Variants in PAM observed in about 807,000 individuals in gnomAD.
PAM encodes peptidyl-glycine alpha-amidating monooxygenase.
In PAM, 72 loss-of-function variants were observed where a neutral mutation model predicts 122.1. The observed-to-expected ratio is 0.59, with a 90% confidence interval of 0.49 to 0.72. PAM has a LOEUF of 0.72. Ranked by LOEUF, PAM falls within the 30% of genes least tolerant of loss-of-function variation. The pLI, the probability that PAM is intolerant of heterozygous loss-of-function variation, is 0.00. For synonymous variants in PAM, 389 were observed against 404.4 expected (o/e 0.96, Z 0.46); for missense variants, 1,106 against 1,183.7 (o/e 0.93, Z 0.96).
At chr5:102,974,487 C>A in intron 15 of PAM, 51 bp downstream of exon 15, 2 of 1,207,710 alleles carry the variant, frequency 1.7e-6, no homozygotes, top group Non-Finnish European at 2.4e-6. Flanking sequence ...CTACAATCCA[C>A]GTTAGCAAAA....
rs372206538 is a variant in PAM at position 102,801,871 on chromosome 5, T to C, written c.-374+46523T>C. Among the ~76,000 whole-genome samples, 1,131 of 144,940 alleles carry C rather than the reference T, an allele frequency of 7.8e-3. 22 individuals are homozygous for C. The highest frequency in any genetic ancestry group is 0.039 in the East Asian group (187 of 4,736). On this transcript the variant is annotated intron_variant, in intron 1 of 25. Coordinates refer to ENST00000438793, the MANE Select transcript of PAM (RefSeq NM_001177306.2). ...TCGGCTCACTGCAAGCTCCGCCTCC[T>C]GGGTTCACGCCATTCTCCTGCCTCA...
chr5:103,022,817 G>C (rs1439553109), intron 23 of PAM, among the ~76,000 whole-genome samples: 1 of 152,042 alleles, frequency 6.6e-6, no homozygotes, highest in Non-Finnish European at 1.5e-5. Flanking sequence ...GCAGAATTTG[G>C]ATTATTCTTC....
In PAM at chr5:102,948,462, T is replaced by A. The variant is rs200996963; in HGVS notation, c.643+17T>A. 3.7e-5 allele frequency: 49 copies of A among 1,320,300 alleles called. No homozygotes were observed. In the African/African-American group the frequency reaches 6.8e-4, roughly 18 times the overall value. 81.8% of individuals were successfully genotyped at this position (1,320,300 alleles called of 1,614,324 possible). On this transcript the variant is annotated intron_variant, in intron 9 of 25. Transcript: ENST00000438793. ...GAGAAAAAGGTGAGTAATGATTTTT[T>A]AATATTTACCATTACCTCATTACCT...
chr5:103,001,596 C>T (rs1250295516), intron 16 of PAM, among the ~76,000 whole-genome samples: 4 of 152,118 alleles, frequency 2.6e-5, no homozygotes, highest in Non-Finnish European at 5.9e-5. Context: ...TTAATAAGAA[C>T]TACTTCAGGG....
chr5:102,945,605 A>G (rs1405647509), intron 7 of PAM, among the ~76,000 whole-genome samples: 1 of 151,596 alleles, frequency 6.6e-6, no homozygotes, highest in Non-Finnish European at 1.5e-5. Flanking sequence ...GTGGGATTCC[A>G]TTTCTGTGGT....
chr5:102,873,787 C>G (rs1202398762), intron 3 of PAM: 3 of 152,130 alleles, frequency 2.0e-5, no homozygotes, highest in African/African-American at 7.2e-5. Flanking sequence ...AAAGAAGAAT[C>G]CTGGGTGAAG....
chr5:102,837,638 TA>T (rs1777462673), intron 1 of PAM: 1 of 152,218 alleles, frequency 6.6e-6, no homozygotes, highest in Non-Finnish European at 1.5e-5. Context: ...AAAGGTACAT[TA>T]ATCACTAGTT....
chr5:103,002,056 A>C (rs1483316196), intron 16 of PAM, among the ~76,000 whole-genome samples: 1 of 151,664 alleles, frequency 6.6e-6, no homozygotes, highest in Non-Finnish European at 1.5e-5. Context: ...ACCCCCCTCA[A>C]CTATGTACTG....
chr5:102,761,389 T>C (rs1291754196), intron 1 of PAM, among the ~76,000 whole-genome samples: 1 of 152,046 alleles, frequency 6.6e-6, no homozygotes, highest in Non-Finnish European at 1.5e-5. Flanking sequence ...GAATAATAGG[T>C]CCAGCCAACA....
At chr5:102,790,043 C>G (rs2431322) in intron 1 of PAM, among the ~76,000 whole-genome samples, 61,944 of 151,802 alleles carry the variant, frequency 0.41, 13,244 homozygotes, top group African/African-American at 0.53. Flanking sequence ...TTCAGTACTT[C>G]ACATAATTCT....
At chr5:102,770,897 A>G (rs1191786669) in intron 1 of PAM, among the ~76,000 whole-genome samples, 1 of 151,862 alleles carries the variant, frequency 6.6e-6, no homozygotes, top group Admixed American at 6.6e-5. Context: ...ATAGTTAATA[A>G]TTTCCCCCAA....
intron 1 of PAM, among the ~76,000 whole-genome samples, chr5:102,829,199 C>G (rs920019414): frequency 2.0e-5 from 3 of 151,500 alleles, no homozygotes; most frequent in African/African-American, 7.3e-5. Context: ...AAATTTTGAC[C>G]GAAAGTCATA....
intron 10 of PAM, 129 bp from the exon 11 acceptor site, chr5:102,949,773 T>G (rs1358945775): frequency 1.5e-6 from 1 of 687,168 alleles, no homozygotes; most frequent in African/African-American, 1.8e-5. Flanking sequence ...CATATTGTTT[T>G]TTTAAGATAC....
At chr5:102,757,441 C>T (rs401114) in intron 1 of PAM, among the ~76,000 whole-genome samples, 73,549 of 152,126 alleles carry the variant, frequency 0.48, 18,088 homozygotes, top group African/African-American at 0.56. Flanking sequence ...GCCATGTGCT[C>T]CTACTTCATC....
intron 7 of PAM, among the ~76,000 whole-genome samples, chr5:102,946,573 G>A (rs1481245986): frequency 2.7e-5 from 4 of 147,464 alleles, no homozygotes; most frequent in African/African-American, 1.0e-4. Flanking sequence ...ATGTCTGCAG[G>A]AAAGTCAATA....
intron 1 of PAM, among the ~76,000 whole-genome samples, chr5:102,816,531 C>T (rs187765776): frequency 5.3e-5 from 8 of 152,216 alleles, no homozygotes; most frequent in Admixed American, 4.6e-4. Flanking sequence ...CCTTCAAAGC[C>T]ACTCACATCA....
intron 1 of PAM, among the ~76,000 whole-genome samples, chr5:102,777,567 T>C (rs1757505408): frequency 2.0e-5 from 3 of 152,146 alleles, no homozygotes; most frequent in South Asian, 2.1e-4. Flanking sequence ...GAGAGAGGGA[T>C]TCTACTAGAG....
At chr5:103,012,055 GTCT>G (rs1417310281) in intron 21 of PAM, among the ~76,000 whole-genome samples, 1 of 152,136 alleles carries the variant, frequency 6.6e-6, no homozygotes, top group African/African-American at 2.4e-5. Context: ...CCATTTGTAT[GTCT>G]TCTTTTGAAA....
intron 7 of PAM, among the ~76,000 whole-genome samples, chr5:102,941,429 T>C (rs115976369): frequency 6.6e-6 from 1 of 152,350 alleles, no homozygotes; most frequent in African/African-American, 2.4e-5. Context: ...CCCATAGTGC[T>C]GGTTTATTTA....
Sources: gnomAD v4.1 joint callset for allele counts (sites outside exome capture counted in the v4.1 genomes callset) on GRCh38, gnomAD v4.1.1 for gene constraint, MANE v1.5 for transcripts, NCBI Gene and HGNC (gene_info 2026-07-23, HGNC 2026-07-21) for gene names.